RASL12: variants seen among roughly 807,000 people sequenced by gnomAD.
RASL12 encodes the protein RAS like family 12.
RASL12 carries 16 observed loss-of-function variants against 22.9 expected under a neutral mutation model. The ratio of observed to expected loss-of-function variants is 0.70; its 90% confidence interval spans 0.47 to 1.06. The LOEUF (loss-of-function observed/expected upper bound fraction) is 1.06. Among genes scored for constraint, RASL12 ranks in the 50% least tolerant of loss-of-function variants. RASL12 has a pLI of 0.00. For synonymous variants in RASL12, 159 were observed against 152.2 expected, an observed-to-expected ratio of 1.04 and a Z score of -0.33; for missense variants, 306 against 353.1, an observed-to-expected ratio of 0.87 and a Z score of 1.07.
At chr15:65,065,582 A>G (rs2086866533) in intron 1 of RASL12, among the ~76,000 whole-genome samples, 1 of 152,134 alleles carries the variant, frequency 6.6e-6, no homozygotes, top group Non-Finnish European at 1.5e-5. Flanking sequence ...TGCAACCATT[A>G]CCCTAGAGTC....
chr15:65,074,666 G>T (rs2086952583), intron 1 of RASL12, among the ~76,000 whole-genome samples: 1 of 152,168 alleles, frequency 6.6e-6, no homozygotes, highest in Non-Finnish European at 1.5e-5. Context: ...AAAAGAGCTG[G>T]GATTACAGGA....
At chr15:65,046,889 G>T in the RASL12 span, among the ~76,000 whole-genome samples, 2 of 151,858 alleles carry the variant, frequency 1.3e-5, no homozygotes, top group Admixed American at 6.6e-5. Context: ...CTCCAGCCTG[G>T]GTGACAGAGC....
At chr15:65,053,162 T>C, downstream of RASL12, 1 of 1,613,758 alleles carries the variant, frequency 6.2e-7, no homozygotes, top group South Asian at 1.1e-5. Flanking sequence ...AACTGAGAGC[T>C]AGTGAGGGTT....
At chr15:65,058,707 C>T in intron 3 of RASL12, 90 bp from the exon 4 acceptor site, 1 of 956,246 alleles carries the variant, frequency 1.0e-6, no homozygotes, top group Non-Finnish European at 1.5e-6. Context: ...CTCCCCACTC[C>T]CCGGTCTTTG....
rs149149179 is a variant in RASL12, at chr15:65,062,695, G to A, written c.160+2522C>T. Among the ~76,000 whole-genome samples, 538 of 152,300 alleles carry A rather than the reference G, an allele frequency of 3.5e-3. 2 individuals carry two copies. The highest frequency in any genetic ancestry group is 6.2e-3 in the Non-Finnish European group (424 of 68,018). On this transcript the variant is annotated intron_variant, in intron 2 of 4. Coordinates refer to ENST00000220062, the MANE Select transcript of RASL12 (RefSeq NM_016563.4). ...TCTCCACCCTCAAGGCTCACCAAAT[G>A]AGCTCAGGCTCTCAGAAGACCTAGG...
At chr15:65,048,492 G>A (rs549317974), downstream of RASL12, among the ~76,000 whole-genome samples, 11 of 152,314 alleles carry the variant, frequency 7.2e-5, no homozygotes, top group African/African-American at 2.2e-4. Flanking sequence ...TTGGGGCTGA[G>A]ATTGTTGAGC....
chr15:65,064,689 C>T (rs137898677), intron 2 of RASL12, among the ~76,000 whole-genome samples: 1,865 of 152,130 alleles, frequency 0.012, 39 homozygotes, highest in African/African-American at 0.043. Context: ...CTCCGCCTCC[C>T]GGGTTCAAGC....
upstream of RASL12, among the ~76,000 whole-genome samples, chr15:65,069,904 T>C (rs2086919614): frequency 6.6e-6 from 1 of 152,216 alleles, no homozygotes; most frequent in Admixed American, 6.5e-5. Flanking sequence ...GCTCAAAGTC[T>C]GCCCCTTCTC....
Position 65,054,032 on chromosome 15 carries a change from G to C in RASL12, c.*867C>G. 3.0e-6 allele frequency: 3 copies of C among 985,894 alleles called. No homozygotes were observed. The highest frequency in any genetic ancestry group is 3.6e-6 in the Non-Finnish European group (3 of 829,964). The allele number at this position is 985,894 out of a possible 1,614,324, so 61.1% of individuals were successfully genotyped here. A position where few individuals can be genotyped will look rare whatever the true frequency, so the allele number is the denominator to read the frequency against. ...GGTATACTGTGTTTCTACCTGCAGGGGGGCAGGCCCTGTAGCCCCTGGATG... is the reference window on the plus strand; with the variant it reads ...GGTATACTGTGTTTCTACCTGCAGGCGGGCAGGCCCTGTAGCCCCTGGATG... On this transcript the variant is annotated 3_prime_UTR_variant, in exon 5 of 5. Transcript: ENST00000220062.
chr15:65,055,344 C>T (rs912066307), intron 4 of RASL12, 70 bp from the exon 5 acceptor site: 5 of 1,380,884 alleles, frequency 3.6e-6, no homozygotes, highest in Admixed American at 5.3e-5. Flanking sequence ...CCAGCTCCTA[C>T]ACCCAGCGCC....
At chr15:65,068,968 G>A (rs1160696331), upstream of RASL12, among the ~76,000 whole-genome samples, 1 of 152,208 alleles carries the variant, frequency 6.6e-6, no homozygotes, top group Non-Finnish European at 1.5e-5. The surrounding 1 kb of genome is among the most constrained non-coding windows in gnomAD (Gnocchi z 4.2). Flanking sequence ...GTACATTCTA[G>A]AACCCTGTGA....
chr15:65,058,608 T>C lies in RASL12; in HGVS notation c.244A>G (p.Arg82Gly). ...CAGTTCAGGTAGCGCTCGCAGTTCC[T>C]GGGGGTGTCCTGGGGTGAAGGTGAG... ...VMDTADLDTP[R>G]NCERYLNWAH... The change falls in exon 4 of 5, where the codon AGG (arginine) becomes GGG (glycine). Residue 82 changes from arginine to glycine, a missense_variant. By Grantham distance (125) the Arg-to-Gly change is moderately radical. Transcript: ENST00000220062. 1 of 1,560,642 alleles carries C rather than the reference T, an allele frequency of 6.4e-7. No homozygotes were observed. The highest frequency in any genetic ancestry group is 2.3e-5 in the East Asian group (1 of 43,118).
rs775461375 is a variant in RASL12, at chr15:65,059,416, C to A, written c.163G>T (p.Asp55Tyr). ...ACAGTCTCCTCGGAGCTGTAGGTGTCCTCTACAACACAGATGGTTAGCCAG... is the reference window on the plus strand; with the variant it reads ...ACAGTCTCCTCGGAGCTGTAGGTGTACTCTACAACACAGATGGTTAGCCAG... The part of the protein sequence containing the change: ...FISEYDPNLE[D>Y]TYSSEETVDH... The change falls in exon 3 of 5, where the codon GAC becomes TAC. Residue 55 changes from aspartate to tyrosine, a missense_variant and splice_region_variant. Physicochemically the swap from Asp to Tyr is radical, Grantham distance 160. Coordinates refer to ENST00000220062, the MANE Select transcript of RASL12 (RefSeq NM_016563.4). 2 of 1,613,564 alleles carry A rather than the reference C, an allele frequency of 1.2e-6. No homozygotes were observed. The highest frequency in any genetic ancestry group is 1.7e-6 in the Non-Finnish European group (2 of 1,179,774).
rs2086691042 is a variant in RASL12 at position 65,053,793 on chromosome 15, G to C, written c.*1106C>G. 4 of 986,190 alleles carry C rather than the reference G, an allele frequency of 4.1e-6. No homozygotes were observed. Among genetic ancestry groups the C allele is most frequent in the Non-Finnish European group, 4.8e-6 (4 of 830,238 alleles). 61.1% of individuals were successfully genotyped at this position (986,190 alleles called of 1,614,324 possible). A position where few individuals can be genotyped will look rare whatever the true frequency, so the allele number is the denominator to read the frequency against. ...GACAACTACCACACTGCCTGCCTTGGACAGCCTTTTCTTGCTAACAGTGGG... is the reference window on the plus strand; with the variant it reads ...GACAACTACCACACTGCCTGCCTTGCACAGCCTTTTCTTGCTAACAGTGGG... On this transcript the variant is annotated 3_prime_UTR_variant, in exon 5 of 5. Coordinates refer to ENST00000220062, the MANE Select transcript of RASL12 (RefSeq NM_016563.4).
upstream of RASL12, among the ~76,000 whole-genome samples, chr15:65,071,307 G>C (rs1459215186): frequency 5.3e-5 from 8 of 152,128 alleles, no homozygotes; most frequent in African/African-American, 1.9e-4. Flanking sequence ...CACAGTGTAG[G>C]GGATGCGGAG....
At chr15:65,057,819 T>C (rs2086751068) in intron 4 of RASL12, among the ~76,000 whole-genome samples, 1 of 152,058 alleles carries the variant, frequency 6.6e-6, no homozygotes, top group South Asian at 2.1e-4. Context: ...GATAGATTCA[T>C]GCAAGAAGGG....
At chr15:65,053,245 G>C (rs2086679391), downstream of RASL12, 1 of 1,533,200 alleles carries the variant, frequency 6.5e-7, no homozygotes, top group East Asian at 2.3e-5. Context: ...TCAGGTTTTA[G>C]AGTCTCTCCC....
downstream of RASL12, among the ~76,000 whole-genome samples, chr15:65,048,387 T>C (rs1008888757): frequency 2.0e-5 from 3 of 152,220 alleles, no homozygotes; most frequent in African/African-American, 7.2e-5. Flanking sequence ...AACTCTGATG[T>C]AAAGCTAGTC....
At chr15:65,061,341 C>T (rs2086801701) in intron 2 of RASL12, among the ~76,000 whole-genome samples, 1 of 152,238 alleles carries the variant, frequency 6.6e-6, no homozygotes, top group Non-Finnish European at 1.5e-5. Context: ...CACCCTCCAG[C>T]TCTGTCTGGG....
Sources: allele counts gnomAD v4.1 joint callset (sites outside exome capture counted in the v4.1 genomes callset), GRCh38; gene constraint gnomAD v4.1.1; non-coding constraint Gnocchi (gnomAD v3.1); transcripts MANE v1.5; gene names NCBI Gene and HGNC (gene_info 2026-07-23, HGNC 2026-07-21).